OPHN1: variants seen among roughly 807,000 people sequenced by gnomAD.
The protein encoded by OPHN1 is oligophrenin 1, also known as oligophrenin-1.
OPHN1 carries 11 observed loss-of-function variants against 60.7 expected under a neutral mutation model. That is an observed-to-expected ratio of 0.18 (90% CI 0.11 to 0.30). The LOEUF is 0.30. OPHN1 is among the 10% of genes least tolerant of loss of function. OPHN1 has a pLI of 1.00. For missense variants in OPHN1, 449 were observed against 611.0 expected (o/e 0.73, Z 2.80); for synonymous variants, 226 against 222.6 (o/e 1.02, Z -0.14).
rs1039206479 is a variant in OPHN1, at chrX:68,110,066, A to G, written c.1526+1788T>C. On this transcript the variant is annotated intron_variant, in intron 18 of 24. Transcript: ENST00000355520. Reference sequence around the variant, plus strand: ...ACGCTGTTTTGCTGGGTCAAAGGATAACTGAATGTGTAGATTTGTTAGGTA... The same window carrying G: ...ACGCTGTTTTGCTGGGTCAAAGGATGACTGAATGTGTAGATTTGTTAGGTA... Among the ~76,000 whole-genome samples the G allele has an allele frequency of 3.2e-4, 36 of 110,929 alleles. 1 individual carries two copies. Among genetic ancestry groups the G allele is most frequent in the Non-Finnish European group, 9.4e-5 (5 of 53,031 alleles).
chrX:68,260,732 T>C (rs1602277697), intron 5 of OPHN1, among the ~76,000 whole-genome samples: 2 of 112,014 alleles, frequency 1.8e-5, no homozygotes, highest in East Asian at 2.8e-4. Context: ...CTTAATTCTT[T>C]AGCACCTTGG....
chrX:68,138,985 G>A (rs1441896424), intron 15 of OPHN1, among the ~76,000 whole-genome samples: 1 of 111,998 alleles, frequency 8.9e-6, no homozygotes, highest in African/African-American at 3.2e-5. Flanking sequence ...AAGTATTTTT[G>A]CCAAAAAATT....
At chrX:68,221,798 A>C (rs1270380286) in intron 6 of OPHN1, among the ~76,000 whole-genome samples, 1 of 93,225 alleles carries the variant, frequency 1.1e-5, no homozygotes, top group East Asian at 3.7e-4. Flanking sequence ...TAAAGACTTA[A>C]ACGTTAGACC....
At chrX:68,118,502 T>G (rs766828048) in intron 16 of OPHN1, among the ~76,000 whole-genome samples, 1 of 112,046 alleles carries the variant, frequency 8.9e-6, no homozygotes, top group South Asian at 3.7e-4. Context: ...CCAGAACTTA[T>G]GTATCAATCT....
At chrX:68,224,768 G>A (rs1029301878) in intron 6 of OPHN1, among the ~76,000 whole-genome samples, 3 of 112,250 alleles carry the variant, frequency 2.7e-5, no homozygotes, top group Non-Finnish European at 5.6e-5. Flanking sequence ...TTCCAAGATG[G>A]CTGAATAGGA....
intron 15 of OPHN1, among the ~76,000 whole-genome samples, chrX:68,185,505 T>C (rs1602220559): frequency 9.0e-6 from 1 of 111,459 alleles, no homozygotes; most frequent in South Asian, 3.8e-4. Context: ...GACAGCTACA[T>C]TTGATATAGG....
intron 2 of OPHN1, among the ~76,000 whole-genome samples, chrX:68,321,913 CAAAAT>C (rs2078237304): frequency 9.3e-6 from 1 of 107,840 alleles, no homozygotes; most frequent in African/African-American, 3.4e-5. Context: ...GACTCTGTCT[CAAAAT>C]AAAGAAAAAA....
At chrX:68,243,469 C>A (rs748126991) in intron 5 of OPHN1, among the ~76,000 whole-genome samples, 1 of 111,764 alleles carries the variant, frequency 8.9e-6, no homozygotes, top group Non-Finnish European at 1.9e-5. Flanking sequence ...CTCACTGCAA[C>A]CTCCACCTCC....
At chrX:68,130,361 A>G (rs1382710997) in intron 15 of OPHN1, among the ~76,000 whole-genome samples, 1 of 111,656 alleles carries the variant, frequency 9.0e-6, no homozygotes, top group African/African-American at 3.3e-5. Context: ...CCTGTATTCA[A>G]ACTATGTCAA....
chrX:68,357,114 A>T (rs2078444892), intron 2 of OPHN1, among the ~76,000 whole-genome samples: 1 of 111,765 alleles, frequency 8.9e-6, no homozygotes. Flanking sequence ...GTACAATTTA[A>T]GTAGGTGAAT....
intron 19 of OPHN1, among the ~76,000 whole-genome samples, chrX:68,088,239 A>G (rs2077002712): frequency 9.0e-6 from 1 of 111,496 alleles, no homozygotes; most frequent in East Asian, 2.8e-4. Context: ...TCCTGCCTGA[A>G]ACAGCTGTAG....
At chrX:68,391,885 C>G (rs766257476) in intron 2 of OPHN1, among the ~76,000 whole-genome samples, 7 of 111,317 alleles carry the variant, frequency 6.3e-5, no homozygotes, top group African/African-American at 9.8e-5. Flanking sequence ...GGTTCTCCCC[C>G]CAGAGCCTCG....
At chrX:68,139,253 C>T (rs1268024951) in intron 15 of OPHN1, among the ~76,000 whole-genome samples, 1 of 111,775 alleles carries the variant, frequency 8.9e-6, no homozygotes, top group Non-Finnish European at 1.9e-5. Context: ...AAAGAAAATA[C>T]ATCATTGAAA....
chrX:68,350,289 C>G (rs1254671446), intron 2 of OPHN1, among the ~76,000 whole-genome samples: 1 of 111,411 alleles, frequency 9.0e-6, no homozygotes, highest in Non-Finnish European at 1.9e-5. Flanking sequence ...AAACTATGAA[C>G]TATTTTAACA....
At chrX:68,181,559 T>G (rs1465436330) in intron 15 of OPHN1, among the ~76,000 whole-genome samples, 1 of 111,546 alleles carries the variant, frequency 9.0e-6, no homozygotes, top group Non-Finnish European at 1.9e-5. Flanking sequence ...GAATGGTGGT[T>G]CACGCCTGTA....
chrX:68,218,611 T>G lies in OPHN1; in HGVS notation c.487-4639A>C, dbSNP rs1477304510. Among the ~76,000 whole-genome samples, 44 of 107,567 alleles carry G rather than the reference T, an allele frequency of 4.1e-4. 2 individuals carry two copies. The South Asian group carries it at 6.0e-3, about 15-fold the overall frequency. 93.4% of individuals were successfully genotyped at this position (107,567 alleles called of 115,157 possible). A position where few individuals can be genotyped will look rare whatever the true frequency, so the allele number is the denominator to read the frequency against. ...AGAAACCCTACAAGCCAGAAGAGAG[T>G]GGGGGCCAATATTCAACATTCTTAA... On this transcript the variant is annotated intron_variant, in intron 6 of 24. Coordinates refer to ENST00000355520, the MANE Select transcript of OPHN1 (RefSeq NM_002547.3).
intron 5 of OPHN1, among the ~76,000 whole-genome samples, chrX:68,268,759 G>A (rs1425224001): frequency 9.0e-6 from 1 of 111,117 alleles, no homozygotes; most frequent in Non-Finnish European, 1.9e-5. Context: ...GGCAGGAGAA[G>A]GAAATAAAGG....
At chrX:68,247,751 T>C (rs2077813660) in intron 5 of OPHN1, among the ~76,000 whole-genome samples, 2 of 94,292 alleles carry the variant, frequency 2.1e-5, no homozygotes, top group Admixed American at 2.3e-4. Flanking sequence ...AAACCCAGTC[T>C]CTACAAAAAA....
chrX:68,282,950 T>C, intron 4 of OPHN1, 106 bp downstream of exon 4: 1 of 605,300 alleles, frequency 1.7e-6, no homozygotes, highest in Non-Finnish European at 2.8e-6. Flanking sequence ...CAAGAAGCTA[T>C]CTGACAGAAA....
Sources: allele counts gnomAD v4.1 joint callset (sites outside exome capture counted in the v4.1 genomes callset), GRCh38; gene constraint gnomAD v4.1.1; transcripts MANE v1.5; gene names NCBI Gene and HGNC (gene_info 2026-07-23, HGNC 2026-07-21).